The following RUSF1 variants were observed in gnomAD, a reference collection of about 807,000 sequenced individuals.
The protein encoded by RUSF1 is RUS1 family protein C16orf58.
In RUSF1, 58 loss-of-function variants were observed where a neutral mutation model predicts 63.0. The observed-to-expected ratio is 0.92, with a 90% confidence interval of 0.75 to 1.15. RUSF1 has a LOEUF of 1.15. RUSF1 is among the 50% of genes most tolerant of loss of function. RUSF1 has a pLI of 0.00. For synonymous variants in RUSF1, 274 were observed against 255.8 expected, an observed-to-expected ratio of 1.07 and a Z score of -0.68; for missense variants, 652 against 611.0, an observed-to-expected ratio of 1.07 and a Z score of -0.71.
chr16:31,493,429 T>G (rs776403424), intron 9 of RUSF1, 38 bp downstream of exon 9: 1 of 1,561,728 alleles, frequency 6.4e-7, no homozygotes, highest in Non-Finnish European at 8.7e-7. Flanking sequence ...GGAGTGTGGG[T>G]GGCGGTGGTG....
At position 31,489,528 on chromosome 16, in the gene RUSF1, G is replaced by A. The variant is rs2082540517; in HGVS notation, c.*1307C>T. ...CATTTATTTGAACCGGCCTGGGGGAGGCTTGATGTTGATGGGTTGGTGATT... is the reference window on the plus strand; with the variant it reads ...CATTTATTTGAACCGGCCTGGGGGAAGCTTGATGTTGATGGGTTGGTGATT... On this transcript the variant is annotated 3_prime_UTR_variant, in exon 13 of 13. Transcript: ENST00000327237. 4 of 637,124 alleles carry A rather than the reference G, an allele frequency of 6.3e-6. No individual in the cohort carries two copies. Among genetic ancestry groups the A allele is most frequent in the Admixed American group, 2.5e-5 (1 of 40,172 alleles). The allele number at this position is 637,124 out of a possible 1,614,324, so 39.5% of individuals were successfully genotyped here.
rs116145938 is a variant in RUSF1, at chr16:31,492,502, T to A, written c.1088-162A>T. On this transcript the variant is annotated intron_variant, in intron 10 of 12. Coordinates refer to ENST00000327237, the MANE Select transcript of RUSF1 (RefSeq NM_022744.4). ...CAATTCATCTCCTGTTGCTCCCCAATGTTCGGGCCAAACTGACCAATTTCC... is the reference window on the plus strand; with the variant it reads ...CAATTCATCTCCTGTTGCTCCCCAAAGTTCGGGCCAAACTGACCAATTTCC... 2.6e-3 allele frequency among the ~76,000 whole-genome samples: 401 copies of A among 152,290 alleles called. 2 individuals carry two copies. Among genetic ancestry groups the A allele is most frequent in the African/African-American group, 9.2e-3 (384 of 41,556 alleles).
chr16:31,499,439 G>T (rs752112552), intron 4 of RUSF1, 32 bp from the exon 5 acceptor site: 11 of 1,613,118 alleles, frequency 6.8e-6, no homozygotes, highest in Non-Finnish European at 9.3e-6. Context: ...GAGGTCAGAG[G>T]TAGGAGACTT....
intron 6 of RUSF1, 100 bp from the exon 7 acceptor site, chr16:31,494,036 C>A: frequency 7.8e-7 from 1 of 1,289,038 alleles, no homozygotes. Context: ...CCACAACCTC[C>A]CAGGGCTCCT....
intron 3 of RUSF1, among the ~76,000 whole-genome samples, chr16:31,500,338 C>T (rs1208939144): frequency 3.3e-5 from 5 of 152,170 alleles, no homozygotes; most frequent in African/African-American, 1.2e-4. Flanking sequence ...AAAGCACAGG[C>T]TTCAGGTTCA....
rs778080621 is a variant in RUSF1 at position 31,507,910 on chromosome 16, G to A, written c.301-32C>T. On this transcript the variant is annotated intron_variant, in intron 1 of 12. Transcript: ENST00000327237. ...AAGAAAACAAGTAGGGTGAGAAGCG[G>A]GCGTAGGAGCGTGGCGGTCTAAGTG... is the stretch of plus-strand genomic sequence containing the variant. The A allele has an allele frequency of 6.5e-6, 10 of 1,549,098 alleles. No individual in the cohort carries two copies. The East Asian group carries it at 2.4e-4, about 38-fold the overall frequency.
chr16:31,499,399 G>C lies in RUSF1; in HGVS notation c.503C>G (p.Ala168Gly), dbSNP rs1439543204. The C allele has an allele frequency of 6.2e-7, 1 of 1,613,920 alleles. No individual in the cohort carries two copies. Among genetic ancestry groups the C allele is most frequent in the Admixed American group, 1.7e-5 (1 of 59,998 alleles). ...CATGGCTACGTCATTGAGGATGTCC[G>C]CAAAAAGCCTGGGGAGGGATCAGAG... ...DCNAKQWRLF[A>G]DILNDVAMFL... The change falls in exon 5 of 13, where the codon GCG becomes GGG. Residue 168 changes from alanine to glycine, a missense_variant. Coordinates refer to ENST00000327237, the MANE Select transcript of RUSF1 (RefSeq NM_022744.4).
At chr16:31,493,549 C>T (rs544553656) in intron 8 of RUSF1, 25 bp from the exon 9 acceptor site, 1 of 1,614,104 alleles carries the variant, frequency 6.2e-7, no homozygotes, top group South Asian at 1.1e-5. Context: ...GGTCAGGATG[C>T]CTAGGCAGTG....
chr16:31,508,187 A>C lies in RUSF1; in HGVS notation c.187T>G (p.Ser63Ala). 6.4e-7 allele frequency: 1 copy of C among 1,569,884 alleles called. No individual in the cohort carries two copies. The highest frequency in any genetic ancestry group is 8.6e-7 in the Non-Finnish European group (1 of 1,158,514). Reference sequence around the variant, plus strand: ...GAGAGGGGCGGTGAGGGGGCCCCGGAAGCCCCCACTTCGCCCGCATCTCGT... The same window carrying C: ...GAGAGGGGCGGTGAGGGGGCCCCGGCAGCCCCCACTTCGCCCGCATCTCGT... The part of the protein sequence containing the change: ...EGRDAGEVGA[S>A]GAPSPPLSGL... Residue 63 changes from serine to alanine, a missense_variant, in exon 1 of 13, where the codon TCC (serine) becomes GCC (alanine). Ser to Ala is a moderately conservative substitution (Grantham distance 99, BLOSUM62 1). Transcript: ENST00000327237.
rs758290413 is a variant in RUSF1 at position 31,499,477 on chromosome 16, C to T, written c.494+16G>A. The T allele has an allele frequency of 1.0e-5, 16 of 1,607,402 alleles. No individual in the cohort carries two copies. The highest frequency in any genetic ancestry group is 1.4e-5 in the Non-Finnish European group (16 of 1,176,572). Reference sequence around the variant, plus strand: ...ATAATGGAAGACTCCCCTCCCCCGTCCCCGCCCCTCCTCACCTCCACTGCT... The same window carrying T: ...ATAATGGAAGACTCCCCTCCCCCGTTCCCGCCCCTCCTCACCTCCACTGCT... On this transcript the variant is annotated intron_variant, in intron 4 of 12. Transcript: ENST00000327237.
At chr16:31,497,207 T>C (rs2082608304) in intron 5 of RUSF1, among the ~76,000 whole-genome samples, 1 of 151,744 alleles carries the variant, frequency 6.6e-6, no homozygotes. Context: ...CCAAAGATCA[T>C]TCTCAGCCCA....
At chr16:31,492,369 C>T (rs201491629) in intron 10 of RUSF1, 29 bp from the exon 11 acceptor site, 1 of 1,516,982 alleles carries the variant, frequency 6.6e-7, no homozygotes, top group East Asian at 2.3e-5. Context: ...AGACTGGTAT[C>T]AGGGAAGGGC....
Position 31,490,324 on chromosome 16 carries a change from C to G in RUSF1, c.*511G>C, listed in dbSNP as rs1390091286. 6.2e-7 allele frequency: 1 copy of G among 1,612,108 alleles called. No homozygotes were observed. The highest frequency in any genetic ancestry group is 1.3e-5 in the African/African-American group (1 of 74,916). ...TTTCCCTCAGAGCCCCAGGCCCCGG[C>G]ACCAAGCCTCTTCCGCCAGTGCCTG... is the stretch of plus-strand genomic sequence containing the variant. On this transcript the variant is annotated 3_prime_UTR_variant, in exon 13 of 13. Transcript: ENST00000327237.
chr16:31,502,083 A>G (rs1369057329), intron 2 of RUSF1, among the ~76,000 whole-genome samples: 1 of 152,214 alleles, frequency 6.6e-6, no homozygotes, highest in African/African-American at 2.4e-5. Flanking sequence ...CCTGGCAGAA[A>G]TATTTTAGAA....
chr16:31,504,642 G>A (rs1175599823), intron 2 of RUSF1, among the ~76,000 whole-genome samples: 1 of 152,192 alleles, frequency 6.6e-6, no homozygotes, highest in Non-Finnish European at 1.5e-5. Flanking sequence ...TTTTGGGAGT[G>A]CAGACACGAT....
chr16:31,494,291 T>G (rs1400391943), intron 6 of RUSF1, among the ~76,000 whole-genome samples: 1 of 151,890 alleles, frequency 6.6e-6, no homozygotes, highest in Non-Finnish European at 1.5e-5. Context: ...GAGGCCGAGG[T>G]GGGCAGATTC....
chr16:31,491,250 C>T (rs1014200761), intron 12 of RUSF1, among the ~76,000 whole-genome samples: 1 of 152,164 alleles, frequency 6.6e-6, no homozygotes, highest in African/African-American at 2.4e-5. Context: ...CTTCAAAGAC[C>T]ATTCTAAGCT....
At chr16:31,499,016 A>C (rs1467530924) in intron 5 of RUSF1, among the ~76,000 whole-genome samples, 4 of 152,212 alleles carry the variant, frequency 2.6e-5, no homozygotes, top group Non-Finnish European at 5.9e-5. Flanking sequence ...AACCAAAGGG[A>C]AGTCAAGGAA....
rs1257417632 is a variant in RUSF1 at position 31,507,792 on chromosome 16, T to C, written c.387A>G (p.Ser129=). 5 of 1,573,672 alleles carry C rather than the reference T, an allele frequency of 3.2e-6. No homozygotes were observed. Among genetic ancestry groups the C allele is most frequent in the Non-Finnish European group, 4.3e-6 (5 of 1,159,108 alleles). ...IGVGNAKATV[S]AATATWLVKD... Reference sequence around the variant, plus strand: ...TCACGAGCCAGGTGGCCGTGGCAGCTGAAACAGTGGCTTTTGCGTTCCCCA... The same window carrying C: ...TCACGAGCCAGGTGGCCGTGGCAGCCGAAACAGTGGCTTTTGCGTTCCCCA... The change falls in exon 2 of 13, where the codon TCA becomes TCG. Residue 129 remains serine (S), a synonymous_variant. Coordinates refer to ENST00000327237, the MANE Select transcript of RUSF1 (RefSeq NM_022744.4).
Sources: gnomAD v4.1 joint callset for allele counts (sites outside exome capture counted in the v4.1 genomes callset) on GRCh38, gnomAD v4.1.1 for gene constraint, MANE v1.5 for transcripts, NCBI Gene and HGNC (gene_info 2026-07-23, HGNC 2026-07-21) for gene names.